HERC1: variants seen among roughly 807,000 people sequenced by gnomAD.
HERC1 encodes the protein HECT and RLD domain containing E3 ubiquitin protein ligase family member 1.
HERC1 carries 160 observed loss-of-function variants against 554.3 expected under a neutral mutation model. That is an observed-to-expected ratio of 0.29 (90% confidence interval 0.25 to 0.33). The LOEUF is 0.33. HERC1 is among the 10% of genes least tolerant of loss of function. The pLI is 1.00. For synonymous variants in HERC1, 2,175 were observed against 2,131.7 expected (o/e 1.02, Z -0.56); for missense variants, 4,919 against 5,918.5 (o/e 0.83, Z 5.54).
chr15:63,723,515 T>C (rs2073909524), intron 18 of HERC1, among the ~76,000 whole-genome samples, 160 bp from the exon 19 acceptor site: 1 of 152,220 alleles, frequency 6.6e-6, no homozygotes, highest in African/African-American at 2.4e-5. Context: ...CAGTTGGAGG[T>C]AGTATCAACC....
chr15:63,723,859 T>C (rs1299783898), intron 18 of HERC1, among the ~76,000 whole-genome samples: 3 of 152,184 alleles, frequency 2.0e-5, no homozygotes, highest in Non-Finnish European at 2.9e-5. Flanking sequence ...TTGATATTTA[T>C]ATTTGTACAG....
intron 39 of HERC1, 48 bp downstream of exon 39, chr15:63,672,448 A>G: frequency 7.3e-7 from 1 of 1,370,382 alleles, no homozygotes; most frequent in Admixed American, 2.1e-5. Context: ...CTGTGCCTTC[A>G]GAAACACAGG....
At chr15:63,724,570 G>A (rs2073960241) in intron 18 of HERC1, among the ~76,000 whole-genome samples, 1 of 151,534 alleles carries the variant, frequency 6.6e-6, no homozygotes. Flanking sequence ...TTTCCTTCAG[G>A]GACATGTTGA....
intron 59 of HERC1, among the ~76,000 whole-genome samples, 177 bp downstream of exon 59, chr15:63,642,780 A>G (rs2069135826): frequency 6.6e-6 from 1 of 152,218 alleles, no homozygotes. Flanking sequence ...CTAGACTATA[A>G]ATCAGGAGAC....
chr15:63,649,188 A>G (rs1474663873), intron 54 of HERC1, among the ~76,000 whole-genome samples: 1 of 152,180 alleles, frequency 6.6e-6, no homozygotes, highest in Non-Finnish European at 1.5e-5. Flanking sequence ...CCCTGTCTCT[A>G]CTAAAAATAC....
intron 19 of HERC1, among the ~76,000 whole-genome samples, chr15:63,720,102 C>CTTTTTTTTTTTTTTTTTTTT (rs1214451219): frequency 1.0e-3 from 21 of 20,956 alleles, no homozygotes; most frequent in Non-Finnish European, 2.3e-3. Context: ...CTTTTTCTTC[C>CTTTTTTTTTTTTTTTTTTTT]CTTTTTTTTT....
intron 39 of HERC1, among the ~76,000 whole-genome samples, chr15:63,670,207 AAAC>A (rs2070835534): frequency 2.0e-5 from 3 of 152,358 alleles, no homozygotes; most frequent in Middle Eastern, 6.8e-3. Flanking sequence ...CACAACTGCA[AAAC>A]AGTACATGAA....
intron 40 of HERC1, among the ~76,000 whole-genome samples, chr15:63,667,151 T>C (rs2070685113): frequency 6.6e-6 from 1 of 152,196 alleles, no homozygotes; most frequent in African/African-American, 2.4e-5. Context: ...AAACAGTATG[T>C]ATTAAATGTG....
At chr15:63,792,050 T>C (rs2076669190) in intron 1 of HERC1, among the ~76,000 whole-genome samples, 1 of 152,216 alleles carries the variant, frequency 6.6e-6, no homozygotes, top group African/African-American at 2.4e-5. Context: ...TCCAATAAAG[T>C]ACATAGTAGG....
chr15:63,705,401 G>A (rs2153091503), intron 25 of HERC1, among the ~76,000 whole-genome samples: 1 of 152,092 alleles, frequency 6.6e-6, no homozygotes, highest in South Asian at 2.1e-4. Context: ...ACAGGTGTGA[G>A]CCACCACACC....
intron 1 of HERC1, among the ~76,000 whole-genome samples, chr15:63,791,417 G>A (rs1596266121): frequency 6.6e-6 from 1 of 152,228 alleles, no homozygotes; most frequent in East Asian, 1.9e-4. Context: ...AAGATGCCTT[G>A]TACAAACAGA....
chr15:63,824,947 G>A (rs945776802), intron 1 of HERC1, among the ~76,000 whole-genome samples: 3 of 152,048 alleles, frequency 2.0e-5, no homozygotes, highest in African/African-American at 4.8e-5. Flanking sequence ...AGGAGAGTAG[G>A]GGAGATGCAG....
At chr15:63,665,801 ATATAAC>A (rs745905579) in intron 42 of HERC1, 112 bp downstream of exon 42, 112 of 703,518 alleles carry the variant, frequency 1.6e-4, no homozygotes, top group Non-Finnish European at 2.5e-4. Context: ...CCATCTTTTC[ATATAAC>A]TATATTTATC....
At chr15:63,642,361 GGGC>G in intron 59 of HERC1, among the ~76,000 whole-genome samples, 1 of 152,006 alleles carries the variant, frequency 6.6e-6, no homozygotes, top group African/African-American at 2.4e-5. Flanking sequence ...CCTTTGGGAT[GGGC>G]TCTCACTCTG....
intron 27 of HERC1, among the ~76,000 whole-genome samples, 189 bp from the exon 28 acceptor site, chr15:63,695,083 T>A (rs1286553767): frequency 2.0e-5 from 3 of 152,180 alleles, no homozygotes; most frequent in East Asian, 3.8e-4. Context: ...TCACCCATGC[T>A]GGGGTGCAGT....
intron 24 of HERC1, among the ~76,000 whole-genome samples, chr15:63,709,427 T>C (rs928670109): frequency 6.6e-6 from 1 of 152,200 alleles, no homozygotes; most frequent in African/African-American, 2.4e-5. Flanking sequence ...TCCTCCTCCA[T>C]TGATCTGTTG....
At chr15:63,808,818 C>T (rs1003488923) in intron 1 of HERC1, among the ~76,000 whole-genome samples, 7 of 152,076 alleles carry the variant, frequency 4.6e-5, no homozygotes, top group African/African-American at 1.7e-4. Context: ...CCTGAGGGTC[C>T]TTATCATATT....
Position 63,686,447 on chromosome 15 carries a change from T to G in HERC1, c.6137A>C (p.Glu2046Ala). 1 of 1,613,840 alleles carries G rather than the reference T, an allele frequency of 6.2e-7. No individual in the cohort carries two copies. The highest frequency in any genetic ancestry group is 8.5e-7 in the Non-Finnish European group (1 of 1,179,730). Residue 2046 changes from glutamate (E) to alanine (A), a missense_variant, in exon 34 of 78, where the codon GAG becomes GCG. Physicochemically the swap from Glu to Ala is moderately radical, Grantham distance 107. Around this residue, in one of 11 missense-constraint regions of HERC1, gnomAD observed 1,121 missense variants for 1,244.0 expected, o/e 0.90. Coordinates refer to ENST00000443617, the MANE Select transcript of HERC1 (RefSeq NM_003922.4). ...DPEKAQCCLVENGQILTHGSG... is the reference protein window; with the variant it reads ...DPEKAQCCLVANGQILTHGSG... ...GCCGTGAGTTAAAATCTGTCCATTC[T>G]CCACTAGGCAACACTGAGCTTTCTC... is the stretch of plus-strand genomic sequence containing the variant.
chr15:63,735,958 G>T (rs1369695831), intron 12 of HERC1, among the ~76,000 whole-genome samples: 4 of 152,036 alleles, frequency 2.6e-5, no homozygotes, highest in Admixed American at 6.5e-5. Context: ...TTCAACAAAG[G>T]TGACTAAGGA....
Sources: allele counts gnomAD v4.1 joint callset (sites outside exome capture counted in the v4.1 genomes callset), GRCh38; gene constraint gnomAD v4.1.1; regional missense constraint gnomAD v4.1.1; transcripts MANE v1.5; gene names NCBI Gene and HGNC (gene_info 2026-07-23, HGNC 2026-07-21).